Variants in CELF5 observed in about 807,000 individuals in gnomAD.
CELF5 encodes the protein CUG-BP and ETR-3 like factor 5.
Under a neutral mutation model 54.9 loss-of-function variants are expected in CELF5, and 6 were observed. The ratio of observed to expected loss-of-function variants is 0.11; its 90% confidence interval spans 0.06 to 0.22. The LOEUF is 0.22. Among genes scored for constraint, CELF5 ranks in the 10% least tolerant of loss-of-function variants. The pLI, the probability that CELF5 is intolerant of heterozygous loss-of-function variation, is 1.00. For missense variants in CELF5, 401 were observed against 678.6 expected (o/e 0.59, Z 4.54); for synonymous variants, 271 against 290.9 (o/e 0.93, Z 0.70).
chr19:3,290,723 C>T (rs1490584667), intron 11 of CELF5, among the ~76,000 whole-genome samples: 1 of 126,354 alleles, frequency 7.9e-6, no homozygotes, highest in African/African-American at 2.8e-5. Flanking sequence ...GCCACCACAC[C>T]CAGCTAATTT....
At chr19:3,258,455 G>C (rs1296590848) in intron 2 of CELF5, among the ~76,000 whole-genome samples, 2 of 151,758 alleles carry the variant, frequency 1.3e-5, no homozygotes, top group Non-Finnish European at 2.9e-5. Flanking sequence ...CTCTTAGAAG[G>C]ACACTTCTCA....
intron 1 of CELF5, among the ~76,000 whole-genome samples, chr19:3,229,488 G>A (rs1917142715): frequency 6.6e-6 from 1 of 152,260 alleles, no homozygotes; most frequent in Non-Finnish European, 1.5e-5. Context: ...CAGGAGTGGA[G>A]GCCAGGAGGG....
At chr19:3,232,397 A>G (rs1222063609) in intron 1 of CELF5, among the ~76,000 whole-genome samples, 1 of 151,390 alleles carries the variant, frequency 6.6e-6, no homozygotes, top group Admixed American at 6.6e-5. Context: ...TAAAAACCAT[A>G]TCCAGGTGTG....
chr19:3,251,691 T>C (rs543012082), intron 2 of CELF5, among the ~76,000 whole-genome samples: 86 of 147,750 alleles, frequency 5.8e-4, no homozygotes, highest in Admixed American at 1.7e-3. Flanking sequence ...GTTGTTGTTG[T>C]TGAGATGGAG....
chr19:3,234,896 C>T (rs1327450360), intron 1 of CELF5, among the ~76,000 whole-genome samples: 1 of 151,988 alleles, frequency 6.6e-6, no homozygotes, highest in African/African-American at 2.4e-5. Flanking sequence ...CCTTCGCGCC[C>T]CACAGTCTGT....
intron 1 of CELF5, among the ~76,000 whole-genome samples, chr19:3,248,141 T>C (rs1436577933): frequency 6.6e-6 from 1 of 152,142 alleles, no homozygotes; most frequent in African/African-American, 2.4e-5. Context: ...CACCACTATC[T>C]GATCTTCAGA....
At position 3,289,902 on chromosome 19, in the gene CELF5, G is replaced by A. The variant is rs1234347943; in HGVS notation, c.1187-329G>A. ...GATTTTCTGGAGGGTGGCCTTCCTC[G>A]GGGTTTTCAGGTATCTGGGGTCAGA... On this transcript the variant is annotated intron_variant, in intron 10 of 12. Transcript: ENST00000292672. Among the ~76,000 whole-genome samples, 6 of 151,892 alleles carry A rather than the reference G, an allele frequency of 4.0e-5. 1 individual carries two copies. In the South Asian group the frequency reaches 6.2e-4, roughly 16 times the overall value.
At chr19:3,232,972 G>T (rs947561853) in intron 1 of CELF5, among the ~76,000 whole-genome samples, 5 of 152,034 alleles carry the variant, frequency 3.3e-5, no homozygotes, top group African/African-American at 1.2e-4. Flanking sequence ...TACTCGGGAG[G>T]CTGAGGCAAG....
intron 11 of CELF5, among the ~76,000 whole-genome samples, chr19:3,291,728 G>A (rs951386231): frequency 6.6e-6 from 1 of 151,844 alleles, no homozygotes; most frequent in South Asian, 2.1e-4. Flanking sequence ...AGGCCCATGT[G>A]GCTGGAGCAG....
intron 2 of CELF5, among the ~76,000 whole-genome samples, chr19:3,251,927 G>A (rs889219128): frequency 6.6e-6 from 1 of 151,946 alleles, no homozygotes; most frequent in Non-Finnish European, 1.5e-5. Flanking sequence ...TGCACACCTC[G>A]GCCTCCCAAA....
chr19:3,266,654 T>C (rs2079886191), intron 2 of CELF5, among the ~76,000 whole-genome samples: 1 of 152,226 alleles, frequency 6.6e-6, no homozygotes, highest in Admixed American at 6.5e-5. Context: ...CTCTCAAGTG[T>C]ATCCCCAGGA....
intron 1 of CELF5, among the ~76,000 whole-genome samples, chr19:3,247,288 G>A (rs551827409): frequency 1.3e-5 from 2 of 151,984 alleles, no homozygotes; most frequent in Admixed American, 6.6e-5. Flanking sequence ...CACCACGCCC[G>A]ACTAATTTTT....
intron 10 of CELF5, among the ~76,000 whole-genome samples, chr19:3,289,661 G>A (rs1322978706): frequency 4.5e-4 from 48 of 107,634 alleles, no homozygotes; most frequent in Non-Finnish European, 6.4e-4. Flanking sequence ...CAGCCTGGGC[G>A]ACAGAGCGAG....
At chr19:3,258,419 G>A (rs987164573) in intron 2 of CELF5, among the ~76,000 whole-genome samples, 1 of 151,828 alleles carries the variant, frequency 6.6e-6, no homozygotes, top group African/African-American at 2.4e-5. Flanking sequence ...ACTGCGCCCG[G>A]CCTGTGTCTG....
Position 3,272,171 on chromosome 19 carries a change from T to G in CELF5, c.343-1701T>G, listed in dbSNP as rs150322589. Among the ~76,000 whole-genome samples, 960 of 151,970 alleles carry G rather than the reference T, an allele frequency of 6.3e-3. 10 individuals are homozygous for G. The highest frequency in any genetic ancestry group is 0.019 in the African/African-American group (806 of 41,458). ...TCACGAACTCAGCAGATCGAGACCA[T>G]CCTGGCCAACATGGTGAAACCCCAT... On this transcript the variant is annotated intron_variant, in intron 2 of 12. Transcript: ENST00000292672.
chr19:3,249,510 TCCGATC>T (rs1392389801), intron 1 of CELF5, among the ~76,000 whole-genome samples: 1 of 136,848 alleles, frequency 7.3e-6, no homozygotes. Context: ...CTTCCCACCC[TCCGATC>T]CCTAATGTTG....
At position 3,269,821 on chromosome 19, in the gene CELF5, G is replaced by C. The variant is rs117311812; in HGVS notation, c.343-4051G>C. Reference sequence around the variant, plus strand: ...CTGTCGTCCACGCCGGAGTGCAGTGGAAGCGATCATAGCTCACTGTGGCCT... The same window carrying C: ...CTGTCGTCCACGCCGGAGTGCAGTGCAAGCGATCATAGCTCACTGTGGCCT... On this transcript the variant is annotated intron_variant, in intron 2 of 12. Transcript: ENST00000292672. Among the ~76,000 whole-genome samples the C allele has an allele frequency of 6.6e-5, 10 of 152,164 alleles. No individual in the cohort carries two copies. The East Asian group carries it at 1.7e-3, about 27-fold the overall frequency.
chr19:3,228,203 G>T lies in CELF5; in HGVS notation c.259+3205G>T, dbSNP rs1374328556. Among the ~76,000 whole-genome samples the T allele has an allele frequency of 6.6e-6, 1 of 152,108 alleles. No homozygotes were observed. The highest frequency in any genetic ancestry group is 6.5e-5 in the Admixed American group (1 of 15,276). On this transcript the variant is annotated intron_variant, in intron 1 of 12. Coordinates refer to ENST00000292672, the MANE Select transcript of CELF5 (RefSeq NM_021938.4). The surrounding 1 kb of genome is among the most constrained non-coding windows in gnomAD (Gnocchi z 6.0). ...AGACCCACAGAGAGACAGAGACAGA[G>T]AAACACAGACAGGGAGGGGGCTGCA...
Position 3,282,095 on chromosome 19 carries a change from C to G in CELF5, c.751-31C>G, listed in dbSNP as rs1340401673. On this transcript the variant is annotated intron_variant, in intron 6 of 12. Coordinates refer to ENST00000292672, the MANE Select transcript of CELF5 (RefSeq NM_021938.4). The surrounding 1 kb of genome is among the most constrained non-coding windows in gnomAD (Gnocchi z 5.2). ...TAAGCCATGATCTCAGGGCAGATAT[C>G]ACCCCAACTGTGACATGTCTTCACC... is the stretch of plus-strand genomic sequence containing the variant. The G allele has an allele frequency of 1.9e-6, 3 of 1,613,382 alleles. No homozygotes were observed. The South Asian group carries it at 3.3e-5, about 18-fold the overall frequency.
Sources: allele counts gnomAD v4.1 joint callset (sites outside exome capture counted in the v4.1 genomes callset), GRCh38; gene constraint gnomAD v4.1.1; non-coding constraint Gnocchi (gnomAD v3.1); transcripts MANE v1.5; gene names NCBI Gene and HGNC (gene_info 2026-07-23, HGNC 2026-07-21).